UBR1: variants seen among roughly 807,000 people sequenced by gnomAD.
UBR1 encodes the protein ubiquitin protein ligase E3 component n-recognin 1.
UBR1 carries 102 observed loss-of-function variants against 242.1 expected under a neutral mutation model. That is an observed-to-expected ratio of 0.42 (90% CI 0.36 to 0.50). UBR1 has a LOEUF of 0.50. UBR1 is among the 20% of genes least tolerant of loss of function. The pLI, the probability that UBR1 is intolerant of heterozygous loss-of-function variation, is 0.01. For synonymous variants in UBR1, 675 were observed against 684.8 expected (o/e 0.99, Z 0.22); for missense variants, 1,772 against 2,101.8 (o/e 0.84, Z 3.07).
chr15:42,955,972 TATC>T (rs1169436182), intron 44 of UBR1, among the ~76,000 whole-genome samples: 1 of 152,210 alleles, frequency 6.6e-6, no homozygotes, highest in Non-Finnish European at 1.5e-5. Flanking sequence ...CAGTCTTTGT[TATC>T]ATCCAGTTCT....
chr15:43,043,323 T>G lies in UBR1; in HGVS notation c.1741A>C (p.Ser581Arg), dbSNP rs568824492. The change falls in exon 15 of 47, where the codon AGT (serine) becomes CGT (arginine). Residue 581 changes from serine (S) to arginine (R), a missense_variant. Physicochemically the swap from Ser to Arg is moderately radical, Grantham distance 110. Coordinates refer to ENST00000290650, the MANE Select transcript of UBR1 (RefSeq NM_174916.3). ...CACGATTGTACTACTGTCTTGCTACTAGATATGAAACTGGTACTGCACCTC... is the reference window on the plus strand; with the variant it reads ...CACGATTGTACTACTGTCTTGCTACGAGATATGAAACTGGTACTGCACCTC... ...VMRCSTSFIS[S>R]SKTVVQSCGH... 16 of 1,614,032 alleles carry G rather than the reference T, an allele frequency of 9.9e-6. No individual in the cohort carries two copies. The highest frequency in any genetic ancestry group is 1.4e-5 in the Non-Finnish European group (16 of 1,180,016).
At chr15:43,017,042 TCAAAGA>T (rs1199060676) in intron 28 of UBR1, 47 bp downstream of exon 28, 2 of 1,457,918 alleles carry the variant, frequency 1.4e-6, no homozygotes, top group African/African-American at 2.8e-5. Context: ...CCAGTAAAGT[TCAAAGA>T]CAGAGATGAA....
At chr15:43,096,507 T>C (rs980235171) in intron 1 of UBR1, among the ~76,000 whole-genome samples, 1 of 152,182 alleles carries the variant, frequency 6.6e-6, no homozygotes, top group Non-Finnish European at 1.5e-5. Flanking sequence ...GCCACATTGA[T>C]TGACCTTTTC....
chr15:43,048,343 A>G (rs2033510981), intron 13 of UBR1, 49 bp downstream of exon 13: 1 of 1,470,930 alleles, frequency 6.8e-7, no homozygotes, highest in African/African-American at 1.4e-5. Flanking sequence ...CTGCGGTTCA[A>G]TTTTTAAAAA....
intron 26 of UBR1, 147 bp from the exon 27 acceptor site, chr15:43,021,522 T>C: frequency 1.4e-6 from 1 of 693,058 alleles, no homozygotes; most frequent in Non-Finnish European, 2.5e-6. Context: ...TTGCATAAAA[T>C]CTATACACAT....
intron 30 of UBR1, among the ~76,000 whole-genome samples, chr15:43,005,627 AT>A (rs1261744117): frequency 1.3e-5 from 2 of 152,232 alleles, no homozygotes; most frequent in Non-Finnish European, 2.9e-5. Flanking sequence ...CATGATGACG[AT>A]GGCGGTTTTG....
Position 43,068,065 on chromosome 15 carries a change from A to C in UBR1, c.660-29T>G, listed in dbSNP as rs781005214. 10 of 1,348,774 alleles carry C rather than the reference A, an allele frequency of 7.4e-6. No individual in the cohort carries two copies. The Admixed American group carries it at 1.6e-4, about 21-fold the overall frequency. The allele number at this position is 1,348,774 out of a possible 1,614,324, so 83.6% of individuals were successfully genotyped here. A position where few individuals can be genotyped will look rare whatever the true frequency, so the allele number is the denominator to read the frequency against. Reference sequence around the variant, plus strand: ...TTAGAAAAAAAACATATATATTTGGATACTACAACAAATAAAGGAAAAGTA... The same window carrying C: ...TTAGAAAAAAAACATATATATTTGGCTACTACAACAAATAAAGGAAAAGTA... On this transcript the variant is annotated intron_variant, in intron 5 of 46. Transcript: ENST00000290650.
chr15:42,966,080 T>G, intron 41 of UBR1, 73 bp downstream of exon 41: 1 of 1,605,010 alleles, frequency 6.2e-7, no homozygotes, highest in Non-Finnish European at 8.5e-7. Context: ...TTTAACCTTG[T>G]ATTCATGAGC....
chr15:43,001,266 G>C (rs1199812716), intron 32 of UBR1, among the ~76,000 whole-genome samples: 2 of 151,612 alleles, frequency 1.3e-5, no homozygotes, highest in Non-Finnish European at 2.9e-5. Flanking sequence ...CCTTGGCTCA[G>C]CCTCCCAAGT....
At chr15:43,030,805 A>AAC (rs1184330414) in intron 20 of UBR1, among the ~76,000 whole-genome samples, 2 of 152,222 alleles carry the variant, frequency 1.3e-5, no homozygotes, top group African/African-American at 4.8e-5. Context: ...GTCCTATGAT[A>AAC]TCTATAAGAG....
chr15:42,994,860 C>A (rs1234064785), intron 33 of UBR1, among the ~76,000 whole-genome samples: 1 of 152,152 alleles, frequency 6.6e-6, no homozygotes, highest in Non-Finnish European at 1.5e-5. Context: ...TGAGTTATCT[C>A]CTCACTCTTG....
rs142320969 is a variant in UBR1, at chr15:42,973,989, C to T, written c.4369+2728G>A. 5.4e-3 allele frequency among the ~76,000 whole-genome samples: 812 copies of T among 150,114 alleles called. 8 individuals carry two copies. The highest frequency in any genetic ancestry group is 0.019 in the African/African-American group (772 of 40,782). ...CTGCAAGCTCCACCTCCCGGGTTCACGCCATTCTCCTGCCTCAGCCTCCCA... is the reference window on the plus strand; with the variant it reads ...CTGCAAGCTCCACCTCCCGGGTTCATGCCATTCTCCTGCCTCAGCCTCCCA... On this transcript the variant is annotated intron_variant, in intron 39 of 46. Transcript: ENST00000290650.
At chr15:43,048,096 A>G (rs1394040907) in intron 13 of UBR1, among the ~76,000 whole-genome samples, 1 of 152,004 alleles carries the variant, frequency 6.6e-6, no homozygotes, top group Admixed American at 6.6e-5. Context: ...CTGAGGCAGG[A>G]GAATCGCTTG....
intron 37 of UBR1, 41 bp from the exon 38 acceptor site, chr15:42,977,988 T>C (rs368151633): frequency 1.4e-4 from 220 of 1,523,618 alleles, no homozygotes; most frequent in Non-Finnish European, 1.8e-4. Context: ...GTCAGTAAGA[T>C]AGCAGTGTAG....
intron 3 of UBR1, among the ~76,000 whole-genome samples, chr15:43,075,359 A>G (rs1198315848): frequency 6.6e-6 from 1 of 152,240 alleles, no homozygotes; most frequent in East Asian, 1.9e-4. Flanking sequence ...TAATTTTTAA[A>G]TAACAGTTGT....
chr15:43,010,942 A>C (rs1239943037), intron 29 of UBR1, among the ~76,000 whole-genome samples: 1 of 152,046 alleles, frequency 6.6e-6, no homozygotes, highest in Non-Finnish European at 1.5e-5. Flanking sequence ...GTGAGCCGAG[A>C]TCACGCCACT....
In UBR1 at chr15:43,033,599, A is replaced by G. The variant is rs546562678; in HGVS notation, c.2191-968T>C. The stretch of plus-strand genomic sequence containing the variant: ...AATCCGGGAGGCAGAGGTTGCAGTG[A>G]GCCAAGATCGAGCCACTGCACTCCA... On this transcript the variant is annotated intron_variant, in intron 19 of 46. Coordinates refer to ENST00000290650, the MANE Select transcript of UBR1 (RefSeq NM_174916.3). Among the ~76,000 whole-genome samples the G allele has an allele frequency of 3.2e-4, 49 of 152,350 alleles. 1 individual carries two copies. The highest frequency in any genetic ancestry group is 1.1e-3 in the African/African-American group (45 of 41,588).
intron 10 of UBR1, among the ~76,000 whole-genome samples, chr15:43,057,461 T>A (rs944400887): frequency 2.0e-5 from 3 of 152,200 alleles, no homozygotes; most frequent in African/African-American, 7.2e-5. Flanking sequence ...GCAAGTATGA[T>A]TGCCTTATAT....
intron 38 of UBR1, 42 bp downstream of exon 38, chr15:42,977,837 AT>A: frequency 6.7e-7 from 1 of 1,493,126 alleles, no homozygotes; most frequent in Non-Finnish European, 9.3e-7. Context: ...AATACAAGAA[AT>A]TATCAACATG....
Sources: allele counts gnomAD v4.1 joint callset (sites outside exome capture counted in the v4.1 genomes callset), GRCh38; gene constraint gnomAD v4.1.1; transcripts MANE v1.5; gene names NCBI Gene and HGNC (gene_info 2026-07-23, HGNC 2026-07-21).